Variants in SH2D4B observed in about 807,000 individuals in gnomAD.
The protein encoded by SH2D4B is SH2 domain containing 4B.
Under a neutral mutation model 61.5 loss-of-function variants are expected in SH2D4B, and 45 were observed. The ratio of observed to expected loss-of-function variants is 0.73; its 90% CI spans 0.58 to 0.94. The LOEUF (loss-of-function observed/expected upper bound fraction) is 0.94, where lower values mean the gene tolerates loss of function less well. SH2D4B is among the 40% of genes least tolerant of loss of function. The probability of loss-of-function intolerance (pLI) is 0.00; values close to 1 mark genes in which losing one functional copy is unlikely to be tolerated. For missense variants in SH2D4B, 572 were observed against 574.2 expected, an observed-to-expected ratio of 1.00 and a Z score of 0.04; for synonymous variants, 224 against 220.4, an observed-to-expected ratio of 1.02 and a Z score of -0.14.
In SH2D4B at chr10:80,591,145, T is replaced by G. The variant is rs879801885; in HGVS notation, c.643+2368T>G. On this transcript the variant is annotated intron_variant, in intron 4 of 7. Coordinates refer to ENST00000646907, the MANE Select transcript of SH2D4B (RefSeq NM_001388272.1). ...ACATTGTTGTTTGTCCACTTAACAG[T>G]TGATGAACATTTGGGTTGTTTTCAC... is the stretch of plus-strand genomic sequence containing the variant. 3.3e-5 allele frequency among the ~76,000 whole-genome samples: 5 copies of G among 152,032 alleles called. No individual in the cohort carries two copies. In the East Asian group the frequency reaches 9.7e-4, roughly 29 times the overall value.
At chr10:80,629,020 ACT>A (rs1016440499) in intron 6 of SH2D4B, among the ~76,000 whole-genome samples, 3 of 121,696 alleles carry the variant, frequency 2.5e-5, no homozygotes, top group Non-Finnish European at 5.1e-5. Context: ...ACAGAGCGAG[ACT>A]CTATCTCAAA....
chr10:80,590,620 C>A (rs992430396), intron 4 of SH2D4B, among the ~76,000 whole-genome samples: 6 of 152,086 alleles, frequency 3.9e-5, no homozygotes, highest in Non-Finnish European at 8.8e-5. Context: ...TGGGGCCATA[C>A]AGGGAGAGCA....
chr10:80,553,936 T>A (rs1208122060), intron 1 of SH2D4B, among the ~76,000 whole-genome samples: 1 of 152,208 alleles, frequency 6.6e-6, no homozygotes, highest in Non-Finnish European at 1.5e-5. Flanking sequence ...GGTAAGATAC[T>A]CATGAGTCTC....
At position 80,572,974 on chromosome 10, in the gene SH2D4B, A is replaced by T. The variant is rs1409858403; in HGVS notation, c.495+1396A>T. Among the ~76,000 whole-genome samples the T allele has an allele frequency of 1.8e-3, 14 of 7,676 alleles. 1 individual carries two copies. The highest frequency in any genetic ancestry group is 7.2e-3 in the African/African-American group (12 of 1,666). 5.0% of individuals were successfully genotyped at this position (7,676 alleles called of 152,430 possible). ...TATATATATATATATATATATATAT[A>T]TATATATATATATTTTTTTTTTTTT... On this transcript the variant is annotated intron_variant, in intron 3 of 7. Coordinates refer to ENST00000646907, the MANE Select transcript of SH2D4B (RefSeq NM_001388272.1).
intron 1 of SH2D4B, among the ~76,000 whole-genome samples, chr10:80,553,140 A>G (rs941557466): frequency 6.6e-6 from 1 of 151,638 alleles, no homozygotes; most frequent in Non-Finnish European, 1.5e-5. Flanking sequence ...CAGGTCTTGA[A>G]CTCCTGACCT....
At chr10:80,595,223 T>G (rs1056814481) in intron 4 of SH2D4B, among the ~76,000 whole-genome samples, 1 of 152,146 alleles carries the variant, frequency 6.6e-6, no homozygotes, top group African/African-American at 2.4e-5. Context: ...TTATCCTGTA[T>G]GCAGATGCCT....
chr10:80,592,550 G>A (rs952987366), intron 4 of SH2D4B, among the ~76,000 whole-genome samples: 6 of 152,106 alleles, frequency 3.9e-5, no homozygotes, highest in Middle Eastern at 3.2e-3. Flanking sequence ...TTTAATTTTT[G>A]TGTGAGGTAG....
chr10:80,543,358 C>T (rs1298851343), intron 1 of SH2D4B, among the ~76,000 whole-genome samples: 2 of 151,956 alleles, frequency 1.3e-5, no homozygotes, highest in African/African-American at 2.4e-5. Flanking sequence ...GCCACCTGGC[C>T]GGCCCCACCG....
intron 4 of SH2D4B, among the ~76,000 whole-genome samples, chr10:80,598,909 C>T (rs952482133): frequency 3.3e-5 from 5 of 152,070 alleles, no homozygotes; most frequent in Non-Finnish European, 7.4e-5. Flanking sequence ...ATCATTGCTA[C>T]TGTTACTAGG....
chr10:80,608,859 CT>C (rs376328170), intron 5 of SH2D4B, among the ~76,000 whole-genome samples: 5 of 152,294 alleles, frequency 3.3e-5, no homozygotes, highest in African/African-American at 1.2e-4. Context: ...GTTCACTGCC[CT>C]GGTTCTGCCT....
rs1478149607 is a variant in SH2D4B at position 80,538,789 on chromosome 10, G to A, written c.184+274G>A. On this transcript the variant is annotated intron_variant, in intron 1 of 7. Coordinates refer to ENST00000646907, the MANE Select transcript of SH2D4B (RefSeq NM_001388272.1). This position sits in a 1 kb window ranked among gnomAD's most constrained non-coding sequence, Gnocchi z 4.8. ...TGCTTTGTCTTGTTGTGGAAGGCCC[G>A]AGTTCTGGGAAGACACCATTGAGAC... is the stretch of plus-strand genomic sequence containing the variant. Among the ~76,000 whole-genome samples the A allele has an allele frequency of 2.0e-5, 3 of 152,220 alleles. No homozygotes were observed. The highest frequency in any genetic ancestry group is 4.4e-5 in the Non-Finnish European group (3 of 68,040).
At chr10:80,596,022 T>G (rs1309832109) in intron 4 of SH2D4B, among the ~76,000 whole-genome samples, 1 of 152,230 alleles carries the variant, frequency 6.6e-6, no homozygotes, top group Non-Finnish European at 1.5e-5. Flanking sequence ...TTCAGGACCA[T>G]GCCTCCTTTT....
chr10:80,583,914 A>G (rs536458669), intron 3 of SH2D4B, among the ~76,000 whole-genome samples: 1 of 152,380 alleles, frequency 6.6e-6, no homozygotes, highest in South Asian at 2.1e-4. Flanking sequence ...ACCAAGGCAC[A>G]TCATATTAAA....
intron 6 of SH2D4B, among the ~76,000 whole-genome samples, chr10:80,617,472 AAGAC>A (rs1287205150): frequency 6.6e-6 from 1 of 152,214 alleles, no homozygotes; most frequent in Non-Finnish European, 1.5e-5. Context: ...GGGGCAAGAG[AAGAC>A]AGACTCCCTG....
chr10:80,573,312 TA>T (rs1475511400), intron 3 of SH2D4B, among the ~76,000 whole-genome samples: 1 of 151,916 alleles, frequency 6.6e-6, no homozygotes, highest in African/African-American at 2.4e-5. Context: ...TTATCAGTGT[TA>T]TTTTTTTCTT....
chr10:80,568,340 T>C (rs938841772), intron 1 of SH2D4B, among the ~76,000 whole-genome samples: 5 of 152,100 alleles, frequency 3.3e-5, no homozygotes, highest in Non-Finnish European at 7.4e-5. Context: ...CAAGGGACAG[T>C]GGGCAGAGGT....
chr10:80,586,264 C>T lies in SH2D4B; in HGVS notation c.496-2366C>T, dbSNP rs554184512. On this transcript the variant is annotated intron_variant, in intron 3 of 7. Transcript: ENST00000646907. ...CCAAGAGCTGAGGAGTGTGGGCGCA[C>T]GGCGTGGGACTGGCAGGCATCTCCA... 5.9e-4 allele frequency among the ~76,000 whole-genome samples: 90 copies of T among 152,320 alleles called. 1 individual carries two copies. The highest frequency in any genetic ancestry group is 2.8e-3 in the Admixed American group (43 of 15,312).
At chr10:80,616,335 A>C (rs916313210) in intron 6 of SH2D4B, among the ~76,000 whole-genome samples, 1 of 152,218 alleles carries the variant, frequency 6.6e-6, no homozygotes. Context: ...AAGGAGAAAA[A>C]GAAGTAGGTC....
chr10:80,618,140 CTG>C (rs1433133388), intron 6 of SH2D4B, among the ~76,000 whole-genome samples: 1 of 152,250 alleles, frequency 6.6e-6, no homozygotes, highest in Non-Finnish European at 1.5e-5. Flanking sequence ...CAAGACCAAT[CTG>C]TGTTCACCAC....
Sources: allele counts gnomAD v4.1 joint callset (sites outside exome capture counted in the v4.1 genomes callset), GRCh38; gene constraint gnomAD v4.1.1; non-coding constraint Gnocchi (gnomAD v3.1); transcripts MANE v1.5; gene names NCBI Gene and HGNC (gene_info 2026-07-23, HGNC 2026-07-21).